KYAT1: variants seen among roughly 807,000 people sequenced by gnomAD.
The protein encoded by KYAT1 is kynurenine--oxoglutarate transaminase 1.
A neutral mutation model predicts 52.4 loss-of-function variants in KYAT1; 47 were observed. That is an observed-to-expected ratio of 0.90 (90% CI 0.71 to 1.14). The LOEUF is 1.14. KYAT1 is among the 50% of genes most tolerant of loss of function. The pLI is 0.00. For synonymous variants in KYAT1, 212 were observed against 209.6 expected, an observed-to-expected ratio of 1.01 and a Z score of -0.10; for missense variants, 480 against 557.9, an observed-to-expected ratio of 0.86 and a Z score of 1.41.
chr9:128,878,504 CTTA>C (rs1460408641), intron 1 of KYAT1, among the ~76,000 whole-genome samples: 1 of 152,158 alleles, frequency 6.6e-6, no homozygotes, highest in Non-Finnish European at 1.5e-5. Context: ...TGAAAAATCT[CTTA>C]TTATATAATG....
intron 1 of KYAT1, chr9:128,846,799 C>A: frequency 3.3e-6 from 5 of 1,535,516 alleles, no homozygotes; most frequent in Non-Finnish European, 4.4e-6. Flanking sequence ...TGTGGGTTTG[C>A]CAGTCCCAGA....
At chr9:128,873,928 A>G (rs1220736867) in intron 1 of KYAT1, among the ~76,000 whole-genome samples, 2 of 138,436 alleles carry the variant, frequency 1.4e-5, no homozygotes, top group Admixed American at 7.7e-5. Flanking sequence ...CCCGGGTGAC[A>G]GAGCAAATCT....
At chr9:128,880,306 T>C (rs1015753324) in intron 1 of KYAT1, among the ~76,000 whole-genome samples, 3 of 152,182 alleles carry the variant, frequency 2.0e-5, no homozygotes, top group African/African-American at 7.2e-5. Flanking sequence ...TGGATGCCTG[T>C]TGTGTGCCAG....
At chr9:128,865,195 A>G (rs1210230052) in intron 1 of KYAT1, among the ~76,000 whole-genome samples, 1 of 142,920 alleles carries the variant, frequency 7.0e-6, no homozygotes, top group Non-Finnish European at 1.5e-5. Flanking sequence ...ACTGCACTGC[A>G]GCCTGAGTGA....
At chr9:128,867,187 T>A (rs1041073203) in intron 1 of KYAT1, among the ~76,000 whole-genome samples, 2 of 152,168 alleles carry the variant, frequency 1.3e-5, no homozygotes, top group African/African-American at 2.4e-5. Context: ...AGTTTTTTGT[T>A]TGTTTGTTTT....
At position 128,865,336 on chromosome 9, in the gene KYAT1, TATATATATATATATATATA is replaced by T. The variant is rs1836142687; in HGVS notation, c.-7+16542_-7+16560del. Among the ~76,000 whole-genome samples the T allele has an allele frequency of 3.7e-3, 8 of 2,174 alleles. 1 individual carries two copies. The highest frequency in any genetic ancestry group is 8.7e-3 in the Non-Finnish European group (6 of 686). The allele number at this position is 2,174 out of a possible 152,430, so 1.4% of individuals were successfully genotyped here. ...ATATATATATATATATATATATATA[TATATATATATATATATATA>T]TATATTTTTTTTTTTTTTTTTTTTG... On this transcript the variant is annotated intron_variant, in intron 1 of 12. Transcript: ENST00000302586.
chr9:128,880,309 T>A (rs1317782804), intron 1 of KYAT1, among the ~76,000 whole-genome samples: 1 of 152,188 alleles, frequency 6.6e-6, no homozygotes, highest in Non-Finnish European at 1.5e-5. Context: ...ATGCCTGTTG[T>A]GTGCCAGGCC....
intron 1 of KYAT1, chr9:128,847,750 T>C: frequency 2.0e-6 from 1 of 498,356 alleles, no homozygotes; most frequent in South Asian, 3.4e-5. Context: ...TCCGTCCTTA[T>C]AAGAACCCTG....
At chr9:128,872,115 C>T (rs189426126) in intron 1 of KYAT1, among the ~76,000 whole-genome samples, 17 of 121,772 alleles carry the variant, frequency 1.4e-4, no homozygotes, top group African/African-American at 5.5e-4. Context: ...GCAACAAGAG[C>T]GAAACTCTGT....
At chr9:128,871,129 C>A (rs1837171566) in intron 1 of KYAT1, among the ~76,000 whole-genome samples, 1 of 151,964 alleles carries the variant, frequency 6.6e-6, no homozygotes, top group African/African-American at 2.4e-5. Flanking sequence ...TCAGCCTGGG[C>A]AACATGGTGA....
chr9:128,869,804 A>G (rs1414942952), intron 1 of KYAT1, among the ~76,000 whole-genome samples: 1 of 151,148 alleles, frequency 6.6e-6, no homozygotes, highest in Non-Finnish European at 1.5e-5. Flanking sequence ...CCCAGGCTAG[A>G]GTGCAGAGGC....
chr9:128,842,402 G>A (rs1232168540), intron 3 of KYAT1, among the ~76,000 whole-genome samples: 1 of 151,924 alleles, frequency 6.6e-6, no homozygotes, highest in South Asian at 2.1e-4. Flanking sequence ...TTTCTTACTC[G>A]CACGATATCC....
chr9:128,864,447 T>C (rs1034790313), intron 1 of KYAT1, among the ~76,000 whole-genome samples: 2 of 151,774 alleles, frequency 1.3e-5, no homozygotes, highest in African/African-American at 4.8e-5. Context: ...ATCTTAACTA[T>C]GTACAGGTAT....
intron 6 of KYAT1, 38 bp from the exon 7 acceptor site, chr9:128,836,960 G>T: frequency 6.3e-7 from 1 of 1,598,568 alleles, no homozygotes. Flanking sequence ...CTGCAGCTGG[G>T]ACCGTCCCCA....
At chr9:128,867,979 T>C (rs77641039) in intron 1 of KYAT1, among the ~76,000 whole-genome samples, 1 of 152,112 alleles carries the variant, frequency 6.6e-6, no homozygotes, top group Non-Finnish European at 1.5e-5. Context: ...TTCACCATGT[T>C]AGCCAGGATG....
chr9:128,873,114 G>A (rs1588155289), intron 1 of KYAT1, among the ~76,000 whole-genome samples: 2 of 147,522 alleles, frequency 1.4e-5, no homozygotes. Flanking sequence ...AACTTAAATT[G>A]TGCAAAGAGA....
At chr9:128,836,136 G>A (rs1589619358) in intron 7 of KYAT1, 63 bp from the exon 8 acceptor site, 2 of 1,495,864 alleles carry the variant, frequency 1.3e-6, no homozygotes, top group Non-Finnish European at 1.9e-6. Flanking sequence ...GAGGATGGTG[G>A]TCTGGGCCCC....
intron 1 of KYAT1, among the ~76,000 whole-genome samples, chr9:128,880,024 G>A (rs935958028): frequency 1.3e-5 from 2 of 152,208 alleles, no homozygotes; most frequent in Non-Finnish European, 2.9e-5. Flanking sequence ...CCCCCTTCTG[G>A]CAACTTTCTT....
intron 1 of KYAT1, among the ~76,000 whole-genome samples, chr9:128,859,455 G>T (rs868071521): frequency 6.6e-6 from 1 of 152,022 alleles, no homozygotes; most frequent in Non-Finnish European, 1.5e-5. Flanking sequence ...ATCACCTGAG[G>T]TCAGGAGTTT....
Sources: allele counts gnomAD v4.1 joint callset (sites outside exome capture counted in the v4.1 genomes callset), GRCh38; gene constraint gnomAD v4.1.1; transcripts MANE v1.5; gene names NCBI Gene and HGNC (gene_info 2026-07-23, HGNC 2026-07-21).